Variants in KREMEN1 observed in about 807,000 individuals in gnomAD.
The protein encoded by KREMEN1 is kremen protein 1.
KREMEN1 carries 30 observed loss-of-function variants against 46.5 expected under a neutral mutation model. The observed-to-expected ratio is 0.65, with a 90% CI of 0.48 to 0.88. The LOEUF (loss-of-function observed/expected upper bound fraction) is 0.88, where lower values mean the gene tolerates loss of function less well. KREMEN1 is among the 40% of genes least tolerant of loss of function. The pLI is 0.00. For synonymous variants in KREMEN1, 214 were observed against 230.6 expected, an observed-to-expected ratio of 0.93 and a Z score of 0.65; for missense variants, 533 against 596.9, an observed-to-expected ratio of 0.89 and a Z score of 1.11.
At chr22:29,131,538 A>C (rs1173285108) in intron 5 of KREMEN1, among the ~76,000 whole-genome samples, 35 of 56,226 alleles carry the variant, frequency 6.2e-4, no homozygotes, top group African/African-American at 2.9e-3. Flanking sequence ...ATATATATAT[A>C]TATATATATA....
Position 29,138,839 on chromosome 22 carries a change from G to A in KREMEN1, c.1123+57G>A, listed in dbSNP as rs765890228. 123 of 1,613,298 alleles carry A rather than the reference G, an allele frequency of 7.6e-5. No individual in the cohort carries two copies. The East Asian group carries it at 1.7e-3, about 22-fold the overall frequency. On this transcript the variant is annotated intron_variant, in intron 7 of 8. Coordinates refer to ENST00000400335, the MANE Select transcript of KREMEN1 (RefSeq NM_001039570.3). ...TGGAAGCCACAGAGTTGAAGGTAGC[G>A]CTCTTGACAGTTATAAAGACAAAAG...
At chr22:29,101,836 C>T (rs1232447661) in intron 3 of KREMEN1, among the ~76,000 whole-genome samples, 2 of 152,132 alleles carry the variant, frequency 1.3e-5, no homozygotes, top group Non-Finnish European at 1.5e-5. Context: ...CACACAACAA[C>T]AAAATTATAT....
intron 9 of KREMEN1, among the ~76,000 whole-genome samples, chr22:29,161,273 C>T (rs1053971646): frequency 4.6e-5 from 7 of 151,142 alleles, no homozygotes; most frequent in Non-Finnish European, 5.9e-5. Flanking sequence ...TTTGGGGGGC[C>T]AAGGTGGGCA....
Position 29,098,789 on chromosome 22 carries a change from G to A in KREMEN1, c.261-73G>A, listed in dbSNP as rs1000876956. 5.9e-5 allele frequency: 68 copies of A among 1,157,632 alleles called. 1 individual carries two copies. Among genetic ancestry groups the A allele is most frequent in the Non-Finnish European group, 8.5e-5 (65 of 765,956 alleles). The allele number at this position is 1,157,632 out of a possible 1,614,324, so 71.7% of individuals were successfully genotyped here. A position where few individuals can be genotyped will look rare whatever the true frequency, so the allele number is the denominator to read the frequency against. ...CAGAAGCTAAAGCATTTCCTTTTCT[G>A]TAAAACTGAAAAGCAATGAACCAGT... On this transcript the variant is annotated intron_variant, in intron 2 of 8. Transcript: ENST00000400335.
rs139707502 is a variant in KREMEN1 at position 29,141,881 on chromosome 22, G to A, written c.1209-63G>A. On this transcript the variant is annotated intron_variant, in intron 8 of 8. Transcript: ENST00000400335. ...CCCCATTTCATAGATACAGTATCTC[G>A]TGAGATGGTAGGTTGTTTGCGTTGT... 67 of 1,324,198 alleles carry A rather than the reference G, an allele frequency of 5.1e-5. No individual in the cohort carries two copies. In the East Asian group the frequency reaches 1.1e-3, roughly 21 times the overall value. 82.0% of individuals were successfully genotyped at this position (1,324,198 alleles called of 1,614,324 possible).
intron 3 of KREMEN1, among the ~76,000 whole-genome samples, chr22:29,116,198 T>C (rs1300860008): frequency 6.6e-6 from 1 of 152,172 alleles, no homozygotes; most frequent in Non-Finnish European, 1.5e-5. Flanking sequence ...CTGGTTGCAG[T>C]TTGCTAACTA....
At chr22:29,118,291 A>G (rs988390576) in intron 3 of KREMEN1, among the ~76,000 whole-genome samples, 2 of 152,190 alleles carry the variant, frequency 1.3e-5, no homozygotes, top group African/African-American at 4.8e-5. Flanking sequence ...TTGTAACCTA[A>G]TCCCAGAAGT....
intron 9 of KREMEN1, among the ~76,000 whole-genome samples, chr22:29,165,373 G>A (rs1239466012): frequency 6.6e-6 from 1 of 151,694 alleles, no homozygotes; most frequent in Non-Finnish European, 1.5e-5. Context: ...CTGCACTCCA[G>A]CCTGGGTGAC....
chr22:29,162,858 A>C (rs1296572223), intron 9 of KREMEN1, among the ~76,000 whole-genome samples: 1 of 152,260 alleles, frequency 6.6e-6, no homozygotes, highest in Non-Finnish European at 1.5e-5. Flanking sequence ...GAATCAACGT[A>C]GGTGCCCATC....
At chr22:29,141,137 G>A (rs1035568549) in intron 8 of KREMEN1, among the ~76,000 whole-genome samples, 8 of 152,122 alleles carry the variant, frequency 5.3e-5, no homozygotes, top group Non-Finnish European at 7.3e-5. Context: ...CTTCCATTGC[G>A]TTGTGAATGC....
At chr22:29,121,642 T>C (rs780972344) in intron 4 of KREMEN1, among the ~76,000 whole-genome samples, 161 bp downstream of exon 4, 1 of 152,184 alleles carries the variant, frequency 6.6e-6, no homozygotes, top group Non-Finnish European at 1.5e-5. Context: ...GGCAAATCCA[T>C]AGGGATAGAA....
intron 3 of KREMEN1, among the ~76,000 whole-genome samples, chr22:29,120,104 AAGGAAATGGAGGAGGGAGAGGTGATG>A: frequency 1.2e-5 from 1 of 82,098 alleles, no homozygotes; most frequent in Non-Finnish European, 2.6e-5. Flanking sequence ...AGAGGTGATG[AAGGAAATGGAGGAGGGAGAGGTGATG>A]ATGGAAACAG....
intron 9 of KREMEN1, chr22:29,154,640 T>C (rs5752871): frequency 0.85 from 129,132 of 152,154 alleles, 55,293 homozygotes; most frequent in Non-Finnish European, 0.91. Flanking sequence ...GTGGTAAGAC[T>C]GCAGATCTGC....
intron 3 of KREMEN1, among the ~76,000 whole-genome samples, chr22:29,108,956 A>G (rs1358046495): frequency 1.3e-5 from 2 of 151,954 alleles, no homozygotes; most frequent in Non-Finnish European, 1.5e-5. Flanking sequence ...TGCCTGGCAA[A>G]TATTTTTACT....
Position 29,137,340 on chromosome 22 carries a change from A to G in KREMEN1, c.632-2A>G. On this transcript the variant is annotated splice_acceptor_variant, in intron 5 of 8. Coordinates refer to ENST00000400335, the MANE Select transcript of KREMEN1 (RefSeq NM_001039570.3). LOFTEE classifies it high-confidence loss of function. Reference sequence around the variant, plus strand: ...GGCGTGGTGTCTTTTTCTCTCCTACAGCTCTCGTGGGCGCCTGCGGTGGGA... The same window carrying G: ...GGCGTGGTGTCTTTTTCTCTCCTACGGCTCTCGTGGGCGCCTGCGGTGGGA... The G allele has an allele frequency of 6.8e-7, 1 of 1,468,992 alleles. No individual in the cohort carries two copies. Among genetic ancestry groups the G allele is most frequent in the Non-Finnish European group, 9.1e-7 (1 of 1,104,016 alleles). The allele number at this position is 1,468,992 out of a possible 1,614,324, so 91.0% of individuals were successfully genotyped here.
chr22:29,164,764 A>AAC (rs1556021962), intron 9 of KREMEN1, among the ~76,000 whole-genome samples: 2 of 150,316 alleles, frequency 1.3e-5, no homozygotes, highest in African/African-American at 4.9e-5. Flanking sequence ...AAACAAAAAA[A>AAC]AAAACCCAAA....
intron 1 of KREMEN1, among the ~76,000 whole-genome samples, chr22:29,084,039 C>T (rs2037696462): frequency 6.6e-6 from 1 of 152,038 alleles, no homozygotes; most frequent in African/African-American, 2.4e-5. Flanking sequence ...TGAGGAGGTC[C>T]CGGAACTGAG....
chr22:29,143,495 C>T lies in KREMEN1; in HGVS notation c.*1383C>T. 1.0e-6 allele frequency: 1 copy of T among 975,450 alleles called. No homozygotes were observed. The highest frequency in any genetic ancestry group is 1.2e-6 in the Non-Finnish European group (1 of 820,810). 60.4% of individuals were successfully genotyped at this position (975,450 alleles called of 1,614,324 possible). ...CGGTGGCTCATGCCTGTAATCCCAG[C>T]ACTTTGGGAGGCTGAGGCGGGTGGA... On this transcript the variant is annotated 3_prime_UTR_variant, in exon 9 of 9. Transcript: ENST00000400335.
chr22:29,131,722 ATATATG>A (rs2038556830), intron 5 of KREMEN1, among the ~76,000 whole-genome samples: 1 of 136,920 alleles, frequency 7.3e-6, no homozygotes, highest in African/African-American at 3.0e-5. Context: ...ATATATGTAT[ATATATG>A]TATATATGTG....
Sources: allele counts gnomAD v4.1 joint callset (sites outside exome capture counted in the v4.1 genomes callset), GRCh38; gene constraint gnomAD v4.1.1; transcripts MANE v1.5; gene names NCBI Gene and HGNC (gene_info 2026-07-23, HGNC 2026-07-21).